Variants in UGP2 observed in about 807,000 individuals in gnomAD.
The protein encoded by UGP2 is UDP-glucose pyrophosphorylase 2.
A neutral mutation model predicts 49.0 loss-of-function variants in UGP2; 40 were observed. The ratio of observed to expected loss-of-function variants is 0.82; its 90% CI spans 0.63 to 1.06. The LOEUF is 1.06. Ranked by LOEUF, UGP2 falls within the 50% of genes least tolerant of loss-of-function variation. The pLI, the probability that UGP2 is intolerant of heterozygous loss-of-function variation, is 0.00. For synonymous variants in UGP2, 225 were observed against 213.0 expected, an observed-to-expected ratio of 1.06 and a Z score of -0.49; for missense variants, 460 against 603.5, an observed-to-expected ratio of 0.76 and a Z score of 2.49.
intron 8 of UGP2, chr2:63,888,744 G>C (rs142647558): frequency 1.0e-3 from 155 of 152,366 alleles, no homozygotes; most frequent in African/African-American, 3.3e-3. Flanking sequence ...TGGGGAGAAC[G>C]TGCAAACTCC....
At chr2:63,880,879 C>T (rs1671258775) in intron 3 of UGP2, among the ~76,000 whole-genome samples, 1 of 152,150 alleles carries the variant, frequency 6.6e-6, no homozygotes, top group East Asian at 1.9e-4. Context: ...TGTAGCACCC[C>T]CTGGAGTGCC....
At chr2:63,841,456 C>G (rs1671528144), upstream of UGP2, among the ~76,000 whole-genome samples, 1 of 152,114 alleles carries the variant, frequency 6.6e-6, no homozygotes, top group Non-Finnish European at 1.5e-5. Flanking sequence ...CCGGTGACCC[C>G]TTAGTGTCCG....
At chr2:63,884,677 C>T (rs1314858513) in intron 5 of UGP2, among the ~76,000 whole-genome samples, 1 of 151,994 alleles carries the variant, frequency 6.6e-6, no homozygotes, top group Non-Finnish European at 1.5e-5. Flanking sequence ...TTTGGAAAGC[C>T]AAGGCAGGAG....
intron 7 of UGP2, 27 bp from the exon 8 acceptor site, chr2:63,887,375 C>G (rs923088620): frequency 1.3e-5 from 21 of 1,612,278 alleles, no homozygotes; most frequent in Non-Finnish European, 1.7e-5. Flanking sequence ...CCTCTGTTTT[C>G]TATTCCCCAC....
chr2:63,890,172 A>G lies in UGP2; in HGVS notation c.1406A>G (p.Asn469Ser), dbSNP rs749023934. 3.7e-6 allele frequency: 6 copies of G among 1,609,934 alleles called. No homozygotes were observed. Among genetic ancestry groups the G allele is most frequent in the Admixed American group, 1.7e-5 (1 of 59,102 alleles). ...TVSGDVTFGK[N>S]VSLKGTVIII... ...TCAGGAGATGTGACATTTGGAAAAAATGTTTCATTAAAGGTATGTTGTTAC... is the reference window on the plus strand; with the variant it reads ...TCAGGAGATGTGACATTTGGAAAAAGTGTTTCATTAAAGGTATGTTGTTAC... Residue 469 changes from asparagine to serine, a missense_variant, in exon 9 of 10, where the codon AAT becomes AGT. By Grantham distance (46) the Asn-to-Ser change is conservative. Transcript: ENST00000337130.
intron 3 of UGP2, among the ~76,000 whole-genome samples, chr2:63,870,734 T>C (rs4544421): frequency 0.18 from 27,958 of 152,238 alleles, 3,238 homozygotes; most frequent in Non-Finnish European, 0.24. Flanking sequence ...GGAGCTAACC[T>C]GTTCGTTTAA....
chr2:63,887,909 T>TG, intron 8 of UGP2: 1 of 393,910 alleles, frequency 2.5e-6, no homozygotes, highest in South Asian at 3.3e-5. Context: ...CCAGTACTGC[T>TG]TTCATCAGTG....
Position 63,887,493 on chromosome 2 carries a change from C to A in UGP2, c.1163C>A (p.Pro388Gln). The change falls in exon 8 of 10, where the codon CCA (proline) becomes CAA (glutamine). Residue 388 changes from proline (P) to glutamine (Q), a missense_variant. Physicochemically the swap from Pro to Gln is moderately conservative, Grantham distance 76. This residue lies in a region of UGP2 where 317 missense variants were observed against 473.0 expected (regional missense o/e 0.67). Transcript: ENST00000337130. ...SFENSLGINV[P>Q]RSRFLPVKTT... ...GAGAATTCTCTAGGTATTAATGTGC[C>A]AAGGAGCCGTTTTCTGCCTGTCAAA... 6.2e-7 allele frequency: 1 copy of A among 1,614,004 alleles called. No homozygotes were observed. Among genetic ancestry groups the A allele is most frequent in the South Asian group, 1.1e-5 (1 of 91,074 alleles).
At chr2:63,888,753 CCACA>C (rs1558965571) in intron 8 of UGP2, 1 of 152,282 alleles carries the variant, frequency 6.6e-6, no homozygotes, top group Non-Finnish European at 1.5e-5. Context: ...CGTGCAAACT[CCACA>C]CAGACAGTAG....
At chr2:63,850,926 A>C (rs1317584318) in intron 1 of UGP2, among the ~76,000 whole-genome samples, 1 of 152,190 alleles carries the variant, frequency 6.6e-6, no homozygotes, top group Non-Finnish European at 1.5e-5. Flanking sequence ...ATGAGTATCT[A>C]CTATATCTCA....
intron 1 of UGP2, among the ~76,000 whole-genome samples, chr2:63,851,887 C>T (rs1669062556): frequency 6.6e-6 from 1 of 152,196 alleles, no homozygotes; most frequent in Non-Finnish European, 1.5e-5. Context: ...GGGTCAGCTT[C>T]TTTCAAGGGC....
intron 1 of UGP2, among the ~76,000 whole-genome samples, chr2:63,851,919 G>A (rs552700174): frequency 3.8e-4 from 58 of 152,250 alleles, no homozygotes; most frequent in Non-Finnish European, 7.1e-4. Context: ...CAGAAGAAAC[G>A]TGGGGTGATT....
Position 63,882,570 on chromosome 2 carries a change from C to T in UGP2, c.360C>T (p.Ser120=), listed in dbSNP as rs1341267520. ...VVKLNGGLGT[S]MGCKGPKSLI... ...AACTCAATGGTGGTTTGGGAACCAGCATGGGCTGCAAAGGCCCTAAAAGTC... is the reference window on the plus strand; with the variant it reads ...AACTCAATGGTGGTTTGGGAACCAGTATGGGCTGCAAAGGCCCTAAAAGTC... Residue 120 remains serine (S), a synonymous_variant, in exon 4 of 10, where the codon AGC becomes AGT. Transcript: ENST00000337130. 2 of 1,612,712 alleles carry T rather than the reference C, an allele frequency of 1.2e-6. No homozygotes were observed. Among genetic ancestry groups the T allele is most frequent in the East Asian group, 2.2e-5 (1 of 44,836 alleles).
intron 1 of UGP2, chr2:63,855,520 GTTTTTTT>G (rs372160888): frequency 1.1e-4 from 21 of 194,304 alleles, no homozygotes; most frequent in Middle Eastern, 2.3e-3. Context: ...TTCTTTTTCT[GTTTTTTT>G]TTTTTTTTTT....
At chr2:63,868,223 G>A (rs1194676575) in intron 3 of UGP2, among the ~76,000 whole-genome samples, 2 of 152,160 alleles carry the variant, frequency 1.3e-5, no homozygotes, top group Non-Finnish European at 2.9e-5. Context: ...GAGTTGGTGT[G>A]TGTTCATTAT....
intron 1 of UGP2, among the ~76,000 whole-genome samples, chr2:63,846,426 A>G (rs2104242653): frequency 8.5e-6 from 1 of 117,024 alleles, no homozygotes; most frequent in African/African-American, 3.3e-5. Flanking sequence ...ATGCTCTAAT[A>G]TTAGAGGCAT....
intron 3 of UGP2, among the ~76,000 whole-genome samples, chr2:63,877,999 C>CAAAAA (rs61669991): frequency 3.5e-4 from 24 of 67,906 alleles, no homozygotes; most frequent in South Asian, 6.4e-4. Flanking sequence ...GACTCCGTCT[C>CAAAAA]AAAAAAAAAA....
At chr2:63,858,504 C>T (rs4671071) in intron 3 of UGP2, among the ~76,000 whole-genome samples, 125,742 of 151,740 alleles carry the variant, frequency 0.83, 52,229 homozygotes, top group East Asian at 0.92. Context: ...GTTTTAAAAA[C>T]TATACATAAC....
chr2:63,854,262 G>A (rs1167714348), intron 1 of UGP2, among the ~76,000 whole-genome samples: 1 of 152,160 alleles, frequency 6.6e-6, no homozygotes, highest in Non-Finnish European at 1.5e-5. Flanking sequence ...TTTGACTAAG[G>A]TAATGAAATG....
Sources: gnomAD v4.1 joint callset for allele counts (sites outside exome capture counted in the v4.1 genomes callset) on GRCh38, gnomAD v4.1.1 for gene constraint, gnomAD v4.1.1 regional missense constraint, MANE v1.5 for transcripts, NCBI Gene and HGNC (gene_info 2026-07-23, HGNC 2026-07-21) for gene names.